IMPG1: variants seen among roughly 807,000 people sequenced by gnomAD.
The protein encoded by IMPG1 is interphotoreceptor matrix proteoglycan 1.
Under a neutral mutation model 92.0 loss-of-function variants are expected in IMPG1, and 85 were observed. The ratio of observed to expected loss-of-function variants is 0.92; its 90% CI spans 0.78 to 1.11. The LOEUF is 1.11. IMPG1 is among the 50% of genes least tolerant of loss of function. The pLI, the probability that IMPG1 is intolerant of heterozygous loss-of-function variation, is 0.00. For missense variants in IMPG1, 1,022 were observed against 956.0 expected, an observed-to-expected ratio of 1.07 and a Z score of -0.91; for synonymous variants, 367 against 334.1, an observed-to-expected ratio of 1.10 and a Z score of -1.08.
chr6:75,982,406 T>C (rs967177266), intron 12 of IMPG1, among the ~76,000 whole-genome samples: 3 of 151,990 alleles, frequency 2.0e-5, no homozygotes, highest in African/African-American at 7.2e-5. Context: ...CCAGGCATGG[T>C]GGCACATGTC....
At chr6:75,979,885 G>A (rs776196737) in intron 12 of IMPG1, among the ~76,000 whole-genome samples, 1 of 152,194 alleles carries the variant, frequency 6.6e-6, no homozygotes, top group Non-Finnish European at 1.5e-5. Context: ...AGGCCTTTGT[G>A]AGGCTAATGC....
chr6:76,067,428 A>C (rs978708687), intron 1 of IMPG1, among the ~76,000 whole-genome samples: 1 of 152,176 alleles, frequency 6.6e-6, no homozygotes, highest in Non-Finnish European at 1.5e-5. Context: ...CACAAACTTG[A>C]AAACCGAGAG....
chr6:75,933,475 T>G (rs1469023473), intron 14 of IMPG1, among the ~76,000 whole-genome samples: 1 of 152,194 alleles, frequency 6.6e-6, no homozygotes, highest in Non-Finnish European at 1.5e-5. Flanking sequence ...CAAAATGACT[T>G]AGCTTTCTAT....
intron 1 of IMPG1, among the ~76,000 whole-genome samples, chr6:76,065,604 T>C (rs1237824678): frequency 6.6e-6 from 1 of 152,058 alleles, no homozygotes. Flanking sequence ...CAAACCTATA[T>C]GTAATAGGTA....
intron 1 of IMPG1, among the ~76,000 whole-genome samples, chr6:76,048,655 C>T (rs759649765): frequency 2.0e-5 from 3 of 152,318 alleles, no homozygotes; most frequent in East Asian, 1.9e-4. Flanking sequence ...TAGAAGCACA[C>T]AAACACGCTA....
At chr6:76,063,860 T>G (rs974233116) in intron 1 of IMPG1, among the ~76,000 whole-genome samples, 2 of 152,180 alleles carry the variant, frequency 1.3e-5, no homozygotes, top group Non-Finnish European at 2.9e-5. Context: ...GGAGCACCCC[T>G]TTGCACAAAG....
At position 75,951,403 on chromosome 6, in the gene IMPG1, A is replaced by T. The variant is rs34674585; in HGVS notation, c.1292-309T>A. ...TTCTGGAATTACTGCCTAGTCAGAC[A>T]CGATACACTTGGGAACCAAGTAGTA... On this transcript the variant is annotated intron_variant, in intron 12 of 16. Transcript: ENST00000369950. Among the ~76,000 whole-genome samples, 15 of 152,290 alleles carry T rather than the reference A, an allele frequency of 9.8e-5. No individual in the cohort carries two copies. In the East Asian group the frequency reaches 1.7e-3, roughly 18 times the overall value.
chr6:75,963,732 A>G (rs1223907883), intron 12 of IMPG1, among the ~76,000 whole-genome samples: 1 of 152,212 alleles, frequency 6.6e-6, no homozygotes, highest in Admixed American at 6.5e-5. Context: ...CCCACTCCCC[A>G]GCTCAGTGGT....
At position 76,050,237 on chromosome 6, in the gene IMPG1, C is replaced by T. The variant is rs966545393; in HGVS notation, c.68-8111G>A. 6.6e-5 allele frequency among the ~76,000 whole-genome samples: 10 copies of T among 151,848 alleles called. No homozygotes were observed. In the South Asian group the frequency reaches 8.3e-4, roughly 13 times the overall value. ...GGTGGATCACTTAAGGCCGGGAGTT[C>T]GAGACTAGCCTGGCCAACATGGTGA... On this transcript the variant is annotated intron_variant, in intron 1 of 16. Coordinates refer to ENST00000369950, the MANE Select transcript of IMPG1 (RefSeq NM_001563.4).
At chr6:76,044,868 A>G (rs1783909432) in intron 1 of IMPG1, among the ~76,000 whole-genome samples, 1 of 152,158 alleles carries the variant, frequency 6.6e-6, no homozygotes, top group Non-Finnish European at 1.5e-5. Context: ...AGGTTCACTG[A>G]CAGGGATCCT....
intron 12 of IMPG1, among the ~76,000 whole-genome samples, chr6:75,987,647 CTT>C (rs529646405): frequency 1.8e-4 from 25 of 141,180 alleles, no homozygotes; most frequent in Admixed American, 2.8e-4. Flanking sequence ...GAACTCATCA[CTT>C]TTTTTTTTTT....
chr6:76,063,417 G>C (rs1165489824), intron 1 of IMPG1, among the ~76,000 whole-genome samples: 1 of 152,046 alleles, frequency 6.6e-6, no homozygotes, highest in African/African-American at 2.4e-5. Flanking sequence ...AGAGGGGCTT[G>C]GTATTTCATG....
intron 7 of IMPG1, among the ~76,000 whole-genome samples, chr6:76,013,352 CT>C (rs1391889277): frequency 6.6e-6 from 1 of 152,158 alleles, no homozygotes; most frequent in East Asian, 1.9e-4. Context: ...AAACTGACCC[CT>C]GTTCCTTCCC....
At chr6:75,999,738 G>T (rs767599448) in intron 12 of IMPG1, among the ~76,000 whole-genome samples, 2 of 152,134 alleles carry the variant, frequency 1.3e-5, no homozygotes, top group Non-Finnish European at 2.9e-5. Flanking sequence ...TTGCACTCTA[G>T]GTCCAGGTCA....
intron 12 of IMPG1, among the ~76,000 whole-genome samples, chr6:75,959,789 G>A (rs567867336): frequency 6.6e-4 from 100 of 152,346 alleles, no homozygotes; most frequent in Non-Finnish European, 1.2e-3. Flanking sequence ...GTGGATCTTA[G>A]CTTGCTGGGC....
intron 14 of IMPG1, among the ~76,000 whole-genome samples, chr6:75,937,736 C>T (rs548033375): frequency 2.0e-5 from 3 of 152,252 alleles, no homozygotes; most frequent in South Asian, 2.1e-4. Context: ...ACAAATTATG[C>T]CTTTTCCAGG....
At chr6:75,933,072 T>C (rs983326086) in intron 14 of IMPG1, among the ~76,000 whole-genome samples, 13 of 152,322 alleles carry the variant, frequency 8.5e-5, no homozygotes, top group African/African-American at 2.9e-4. Context: ...TACTCTTTGC[T>C]ATTGATTTGA....
intron 4 of IMPG1, among the ~76,000 whole-genome samples, chr6:76,025,969 C>T (rs1333466251): frequency 2.0e-5 from 3 of 152,078 alleles, no homozygotes; most frequent in Non-Finnish European, 4.4e-5. Flanking sequence ...GGAGGTCCCC[C>T]CAAAAACTCC....
intron 2 of IMPG1, among the ~76,000 whole-genome samples, chr6:76,038,011 C>T (rs915262691): frequency 6.6e-6 from 1 of 152,172 alleles, no homozygotes; most frequent in African/African-American, 2.4e-5. Context: ...CCCAGTTGAG[C>T]CCAAACTCAG....
Sources: allele counts gnomAD v4.1 joint callset (sites outside exome capture counted in the v4.1 genomes callset), GRCh38; gene constraint gnomAD v4.1.1; transcripts MANE v1.5; gene names NCBI Gene and HGNC (gene_info 2026-07-23, HGNC 2026-07-21).